AGFG1: variants seen among roughly 807,000 people sequenced by gnomAD.
The protein encoded by AGFG1 is ArfGAP with FG repeats 1, also known as arf-GAP domain and FG repeat-containing protein 1.
A neutral mutation model predicts 60.6 loss-of-function variants in AGFG1; 10 were observed. The ratio of observed to expected loss-of-function variants is 0.16; its 90% confidence interval spans 0.10 to 0.28. AGFG1 has a LOEUF of 0.28. AGFG1 is among the 10% of genes least tolerant of loss of function. The pLI is 1.00. For missense variants in AGFG1, 537 were observed against 676.5 expected (o/e 0.79, Z 2.29); for synonymous variants, 247 against 242.9 (o/e 1.02, Z -0.16).
chr2:227,519,915 A>T (rs1559184268), intron 2 of AGFG1, 33 bp from the exon 3 acceptor site: 1 of 1,328,630 alleles, frequency 7.5e-7, no homozygotes, highest in Non-Finnish European at 1.1e-6. Flanking sequence ...AAGATGTTGA[A>T]TTTAACATAT....
chr2:227,534,282 T>C (rs1318932832), intron 7 of AGFG1, among the ~76,000 whole-genome samples: 2 of 152,212 alleles, frequency 1.3e-5, no homozygotes, highest in Non-Finnish European at 2.9e-5. Flanking sequence ...TTCTCCATTC[T>C]GATCTCTGGG....
intron 10 of AGFG1, among the ~76,000 whole-genome samples, chr2:227,549,396 A>G (rs182327024): frequency 6.8e-4 from 104 of 152,354 alleles, no homozygotes; most frequent in African/African-American, 2.5e-3. Context: ...TTTACTTTCT[A>G]TTAACTTTAT....
chr2:227,503,274 C>T (rs575416988), intron 2 of AGFG1, among the ~76,000 whole-genome samples: 17 of 151,442 alleles, frequency 1.1e-4, no homozygotes, highest in South Asian at 2.1e-4. Flanking sequence ...CGTATAATTA[C>T]GGGTTATATG....
chr2:227,531,462 A>G (rs551712186), intron 6 of AGFG1, among the ~76,000 whole-genome samples: 46 of 149,302 alleles, frequency 3.1e-4, no homozygotes, highest in Admixed American at 1.1e-3. Context: ...AATCTTCCTT[A>G]TATCTACCAT....
At chr2:227,521,493 T>C (rs1691826032) in intron 3 of AGFG1, among the ~76,000 whole-genome samples, 1 of 152,214 alleles carries the variant, frequency 6.6e-6, no homozygotes, top group Admixed American at 6.5e-5. Flanking sequence ...AAGAAAATAC[T>C]AGAAGGTGGG....
intron 5 of AGFG1, among the ~76,000 whole-genome samples, chr2:227,530,609 T>C (rs1692128171): frequency 1.3e-5 from 2 of 152,038 alleles, no homozygotes; most frequent in African/African-American, 2.4e-5. Flanking sequence ...TGGTGAGACA[T>C]TTGTAAACTT....
intron 2 of AGFG1, among the ~76,000 whole-genome samples, chr2:227,498,342 T>A (rs1691045666): frequency 6.6e-6 from 1 of 152,176 alleles, no homozygotes. Context: ...AATGAAAACA[T>A]TCACTAATAA....
At chr2:227,524,299 T>C (rs1273542722) in intron 4 of AGFG1, among the ~76,000 whole-genome samples, 1 of 152,180 alleles carries the variant, frequency 6.6e-6, no homozygotes, top group Admixed American at 6.5e-5. Context: ...TACACTTTTC[T>C]AGGAAGGGAT....
At chr2:227,497,165 T>TCCCCCCCCCC (rs11422803) in intron 2 of AGFG1, among the ~76,000 whole-genome samples, 23 of 137,334 alleles carry the variant, frequency 1.7e-4, no homozygotes, top group Non-Finnish European at 2.3e-4. Context: ...CACCCCCTCT[T>TCCCCCCCCCC]CCCCCCCCAC....
intron 10 of AGFG1, among the ~76,000 whole-genome samples, chr2:227,542,837 T>A (rs2106233393): frequency 6.6e-6 from 1 of 152,328 alleles, no homozygotes; most frequent in South Asian, 2.1e-4. Flanking sequence ...CAGAGCCTGT[T>A]ATTGGTCTAT....
rs1243071474 is a variant in AGFG1, at chr2:227,510,065, A to G, written c.262-9883A>G. Among the ~76,000 whole-genome samples, 3 of 152,310 alleles carry G rather than the reference A, an allele frequency of 2.0e-5. No homozygotes were observed. In the East Asian group the frequency reaches 5.8e-4, roughly 29 times the overall value. On this transcript the variant is annotated intron_variant, in intron 2 of 12. Coordinates refer to ENST00000310078, the MANE Select transcript of AGFG1 (RefSeq NM_004504.5). Reference sequence around the variant, plus strand: ...TGGGCAGATGATAATCTTCCTTGAAACTACTATGACTTCACTAATAATAAG... The same window carrying G: ...TGGGCAGATGATAATCTTCCTTGAAGCTACTATGACTTCACTAATAATAAG...
intron 2 of AGFG1, among the ~76,000 whole-genome samples, chr2:227,501,106 A>G (rs540057911): frequency 2.7e-5 from 4 of 150,468 alleles, no homozygotes; most frequent in East Asian, 1.9e-4. Context: ...ATTTTTTTTG[A>G]CAGAGTCTTG....
At chr2:227,506,322 C>T (rs1250723902) in intron 2 of AGFG1, among the ~76,000 whole-genome samples, 3 of 152,110 alleles carry the variant, frequency 2.0e-5, no homozygotes, top group African/African-American at 7.2e-5. Context: ...TGTTTGAAGT[C>T]AGCCCCATGC....
At chr2:227,531,270 GTAGTTTTGAAAAAT>G in intron 6 of AGFG1, 60 bp downstream of exon 6, 3 of 1,559,572 alleles carry the variant, frequency 1.9e-6, no homozygotes, top group Non-Finnish European at 2.6e-6. Flanking sequence ...CTCTCTAAAT[GTAGTTTTGAAAAAT>G]TAGTCTAAAC....
rs543555116 is a variant in AGFG1 at position 227,488,846 on chromosome 2, C to A, written c.168-2701C>A. 5.3e-5 allele frequency among the ~76,000 whole-genome samples: 8 copies of A among 152,286 alleles called. No homozygotes were observed. The South Asian group carries it at 8.3e-4, about 16-fold the overall frequency. Reference sequence around the variant, plus strand: ...TTTATTTATTTATTTGAGAGTCTAGCTCTGTTGCCCATGCTGGACTGCAGT... The same window carrying A: ...TTTATTTATTTATTTGAGAGTCTAGATCTGTTGCCCATGCTGGACTGCAGT... On this transcript the variant is annotated intron_variant, in intron 1 of 12. Transcript: ENST00000310078.
At chr2:227,538,055 C>A (rs994881619) in intron 10 of AGFG1, among the ~76,000 whole-genome samples, 6 of 152,098 alleles carry the variant, frequency 3.9e-5, no homozygotes, top group Non-Finnish European at 8.8e-5. Flanking sequence ...AAGTTTAATT[C>A]AAGTGTACCT....
At chr2:227,543,736 T>C (rs919802777) in intron 10 of AGFG1, among the ~76,000 whole-genome samples, 1 of 152,226 alleles carries the variant, frequency 6.6e-6, no homozygotes, top group African/African-American at 2.4e-5. Flanking sequence ...CATTGATCTG[T>C]CTGATGTTGA....
intron 12 of AGFG1, among the ~76,000 whole-genome samples, chr2:227,554,124 TAAAA>T (rs1228765004): frequency 2.6e-5 from 4 of 152,170 alleles, no homozygotes; most frequent in African/African-American, 9.6e-5. Context: ...TTAGTGAACA[TAAAA>T]GAGAGGTCTT....
At position 227,556,780 on chromosome 2, in the gene AGFG1, G is replaced by A. The variant is rs1692981284; in HGVS notation, c.*2285G>A. Reference sequence around the variant, plus strand: ...AATAAAAATGTTTAGTTCAAGAAGAGACCCAAGCTGGGTATGGTGGTGTGA... The same window carrying A: ...AATAAAAATGTTTAGTTCAAGAAGAAACCCAAGCTGGGTATGGTGGTGTGA... On this transcript the variant is annotated 3_prime_UTR_variant, in exon 13 of 13. Coordinates refer to ENST00000310078, the MANE Select transcript of AGFG1 (RefSeq NM_004504.5). The A allele has an allele frequency of 6.6e-6, 1 of 152,176 alleles. No homozygotes were observed. The highest frequency in any genetic ancestry group is 6.6e-5 in the Admixed American group (1 of 15,262). 9.4% of individuals were successfully genotyped at this position (152,176 alleles called of 1,614,324 possible).
Sources: allele counts gnomAD v4.1 joint callset (sites outside exome capture counted in the v4.1 genomes callset), GRCh38; gene constraint gnomAD v4.1.1; transcripts MANE v1.5; gene names NCBI Gene and HGNC (gene_info 2026-07-23, HGNC 2026-07-21).